Variants in MSI2 observed in about 807,000 individuals in gnomAD.
MSI2 encodes RNA-binding protein Musashi homolog 2.
In MSI2, 17 loss-of-function variants were observed where a neutral mutation model predicts 45.6. That is an observed-to-expected ratio of 0.37 (90% CI 0.26 to 0.56). The LOEUF (loss-of-function observed/expected upper bound fraction) is 0.56, where lower values mean the gene tolerates loss of function less well. Among genes scored for constraint, MSI2 ranks in the 20% least tolerant of loss-of-function variants. MSI2 has a pLI of 0.77. For missense variants in MSI2, 293 were observed against 444.2 expected (o/e 0.66, Z 3.06); for synonymous variants, 156 against 158.2 (o/e 0.99, Z 0.11).
Position 57,683,263 on chromosome 17 carries a change from A to G in MSI2, c.*3746A>G. The G allele has an allele frequency of 4.3e-6, 1 of 230,198 alleles. No individual in the cohort carries two copies. Among genetic ancestry groups the G allele is most frequent in the Non-Finnish European group, 8.6e-6 (1 of 116,216 alleles). 14.3% of individuals were successfully genotyped at this position (230,198 alleles called of 1,614,324 possible). ...AATCATTGGGTAATTGTTGGTTCTA[A>G]TGACCTGAAAGGTGTTCAGTTTTTG... is the stretch of plus-strand genomic sequence containing the variant. On this transcript the variant is annotated 3_prime_UTR_variant, in exon 14 of 14. Transcript: ENST00000284073. The surrounding 1 kb of genome is among the most constrained non-coding windows in gnomAD (Gnocchi z 5.2).
At chr17:57,558,845 G>A (rs1414707923) in intron 7 of MSI2, among the ~76,000 whole-genome samples, 3 of 152,182 alleles carry the variant, frequency 2.0e-5, no homozygotes, top group African/African-American at 7.2e-5. Context: ...CAGATCACCT[G>A]AGGTCAGGAG....
At chr17:57,327,356 C>T (rs1913883961) in intron 5 of MSI2, among the ~76,000 whole-genome samples, 1 of 152,216 alleles carries the variant, frequency 6.6e-6, no homozygotes, top group Non-Finnish European at 1.5e-5. Flanking sequence ...AGCCAGTGTA[C>T]ATCGCAGGGA....
chr17:57,543,265 G>A (rs893927012), intron 7 of MSI2, among the ~76,000 whole-genome samples: 1 of 152,198 alleles, frequency 6.6e-6, no homozygotes, highest in East Asian at 1.9e-4. Context: ...ATTTTTTCTT[G>A]CTGGCTTAAG....
chr17:57,400,961 G>T (rs1034442383), intron 5 of MSI2, among the ~76,000 whole-genome samples: 3 of 152,174 alleles, frequency 2.0e-5, no homozygotes, highest in Admixed American at 2.0e-4. Context: ...CAGCCTGTGC[G>T]TACTTTTGAA....
intron 5 of MSI2, among the ~76,000 whole-genome samples, chr17:57,347,751 C>T (rs935006170): frequency 3.3e-5 from 5 of 152,174 alleles, no homozygotes; most frequent in South Asian, 2.1e-4. Flanking sequence ...TACCTGCTTC[C>T]GTGGAATTGG....
chr17:57,610,449 C>CTTGGGGAACACTCACCGT (rs1907137624), intron 8 of MSI2, among the ~76,000 whole-genome samples: 2 of 90,226 alleles, frequency 2.2e-5, no homozygotes, highest in African/African-American at 7.9e-5. Flanking sequence ...AAGACTCCGT[C>CTTGGGGAACACTCACCGT]TAAAAAAAAA....
At chr17:57,510,115 C>T (rs141638188) in intron 6 of MSI2, among the ~76,000 whole-genome samples, 3 of 152,158 alleles carry the variant, frequency 2.0e-5, no homozygotes, top group East Asian at 1.9e-4. Flanking sequence ...TTCTGCCCCA[C>T]GAGGTTTCCC....
chr17:57,337,612 C>G (rs1555581807), intron 5 of MSI2, among the ~76,000 whole-genome samples: 1 of 152,162 alleles, frequency 6.6e-6, no homozygotes, highest in Non-Finnish European at 1.5e-5. Context: ...GCAACAAGCG[C>G]TGCTCTTGGC....
At position 57,646,688 on chromosome 17, in the gene MSI2, C is replaced by T. The variant is rs1598488363; in HGVS notation, c.728-5411C>T. 1.3e-5 allele frequency among the ~76,000 whole-genome samples: 2 copies of T among 152,188 alleles called. 1 individual carries two copies. Among genetic ancestry groups the T allele is most frequent in the South Asian group, 4.1e-4 (2 of 4,820 alleles). ...GGGGTGATTCTTCTGTTATCCCACT[C>T]GAAGGGCAGAGGAACTCCATTCTAG... is the stretch of plus-strand genomic sequence containing the variant. On this transcript the variant is annotated intron_variant, in intron 10 of 13. Transcript: ENST00000284073.
At position 57,633,520 on chromosome 17, in the gene MSI2, G is replaced by A. The variant is rs1050521470; in HGVS notation, c.727+6217G>A. 4.4e-4 allele frequency among the ~76,000 whole-genome samples: 67 copies of A among 152,352 alleles called. 1 individual carries two copies. The highest frequency in any genetic ancestry group is 2.5e-3 in the South Asian group (12 of 4,830). ...CATCTGTGCACTAGGTGTGTGCGCC[G>A]TCTTACCCTCGCGCCCACGGGCCTG... On this transcript the variant is annotated intron_variant, in intron 10 of 13. Coordinates refer to ENST00000284073, the MANE Select transcript of MSI2 (RefSeq NM_138962.4).
chr17:57,584,513 C>G (rs1036525544), intron 7 of MSI2, among the ~76,000 whole-genome samples: 1 of 152,184 alleles, frequency 6.6e-6, no homozygotes, highest in Non-Finnish European at 1.5e-5. Flanking sequence ...GGGCACCCAG[C>G]CAGGGCTCTG....
At chr17:57,640,613 G>A (rs1910176008) in intron 10 of MSI2, among the ~76,000 whole-genome samples, 1 of 152,222 alleles carries the variant, frequency 6.6e-6, no homozygotes, top group African/African-American at 2.4e-5. Context: ...GGGTTTTACA[G>A]AGGAGGAAAA....
chr17:57,470,824 C>A (rs1196858966), intron 6 of MSI2, among the ~76,000 whole-genome samples: 1 of 152,200 alleles, frequency 6.6e-6, no homozygotes, highest in Non-Finnish European at 1.5e-5. Context: ...CTGGCCCCAC[C>A]ACTGTCACTT....
intron 7 of MSI2, among the ~76,000 whole-genome samples, chr17:57,566,706 A>G (rs1237158981): frequency 6.6e-6 from 1 of 152,228 alleles, no homozygotes; most frequent in Non-Finnish European, 1.5e-5. Context: ...AGGAAGCTCA[A>G]GGCAGAGCTG....
At chr17:57,371,159 CAAATT>C (rs1771115413) in intron 5 of MSI2, among the ~76,000 whole-genome samples, 1 of 151,992 alleles carries the variant, frequency 6.6e-6, no homozygotes, top group South Asian at 2.1e-4. Context: ...GCTCGTGACT[CAAATT>C]AATTAATTAA....
In MSI2 at chr17:57,422,251, C is replaced by A. The variant is rs144327825; in HGVS notation, c.405+20780C>A. The stretch of plus-strand genomic sequence containing the variant: ...CTGAGGAGGGCGGATCATGAGATCA[C>A]GAATTCGAGACCAGCCTGGCCAATA... On this transcript the variant is annotated intron_variant, in intron 6 of 13. Transcript: ENST00000284073. 2.1e-3 allele frequency among the ~76,000 whole-genome samples: 327 copies of A among 152,136 alleles called. 1 individual carries two copies. The highest frequency in any genetic ancestry group is 7.2e-3 in the African/African-American group (300 of 41,500).
chr17:57,498,769 T>C (rs1369440811), intron 6 of MSI2, among the ~76,000 whole-genome samples: 2 of 152,212 alleles, frequency 1.3e-5, no homozygotes, highest in Non-Finnish European at 2.9e-5. Flanking sequence ...TTCTTTTTTT[T>C]TCTTTTTTTA....
chr17:57,655,301 A>G (rs544275411), intron 11 of MSI2, among the ~76,000 whole-genome samples: 2 of 152,150 alleles, frequency 1.3e-5, no homozygotes, highest in African/African-American at 4.8e-5. Context: ...TTGTTTGTTT[A>G]TTTTGATCGT....
intron 6 of MSI2, among the ~76,000 whole-genome samples, chr17:57,409,768 G>T (rs937888660): frequency 1.3e-5 from 2 of 152,088 alleles, no homozygotes; most frequent in African/African-American, 4.8e-5. Flanking sequence ...CAGCACTTTG[G>T]GGGGCCAAGG....
Sources: gnomAD v4.1 joint callset for allele counts (sites outside exome capture counted in the v4.1 genomes callset) on GRCh38, gnomAD v4.1.1 for gene constraint, Gnocchi (gnomAD v3.1) non-coding constraint, MANE v1.5 for transcripts, NCBI Gene and HGNC (gene_info 2026-07-23, HGNC 2026-07-21) for gene names.